ASNS: variants seen among roughly 807,000 people sequenced by gnomAD.
ASNS encodes asparagine synthetase (glutamine-hydrolyzing).
ASNS carries 37 observed loss-of-function variants against 62.6 expected under a neutral mutation model. The ratio of observed to expected loss-of-function variants is 0.59; its 90% confidence interval spans 0.45 to 0.78. The LOEUF (loss-of-function observed/expected upper bound fraction) is 0.78, where lower values mean the gene tolerates loss of function less well. ASNS is among the 30% of genes least tolerant of loss of function. ASNS has a pLI of 0.00. For missense variants in ASNS, 520 were observed against 682.4 expected, an observed-to-expected ratio of 0.76 and a Z score of 2.65; for synonymous variants, 207 against 237.9, an observed-to-expected ratio of 0.87 and a Z score of 1.19.
At chr7:97,892,168 T>C in the ASNS span, among the ~76,000 whole-genome samples, 6 of 152,230 alleles carry the variant, frequency 3.9e-5, no homozygotes, top group South Asian at 2.1e-4. Context: ...TGCTAAGGCT[T>C]GGGGCTTGCA....
chr7:97,900,065 G>A, the ASNS span, among the ~76,000 whole-genome samples: 1 of 152,074 alleles, frequency 6.6e-6, no homozygotes, highest in Non-Finnish European at 1.5e-5. Context: ...TAGAATCGAA[G>A]ATAGAGAAAA....
chr7:97,874,899 G>C (rs375165577), upstream of ASNS, among the ~76,000 whole-genome samples: 1 of 152,260 alleles, frequency 6.6e-6, no homozygotes, highest in African/African-American at 2.4e-5. Context: ...AATTGTGCCT[G>C]TTTTGACAGT....
the ASNS span, among the ~76,000 whole-genome samples, chr7:97,918,714 T>C: frequency 6.6e-6 from 1 of 151,740 alleles, no homozygotes; most frequent in African/African-American, 2.4e-5. Context: ...CACTCATAAG[T>C]GGGAGTTGAA....
At chr7:97,899,645 C>T in the ASNS span, among the ~76,000 whole-genome samples, 4 of 152,232 alleles carry the variant, frequency 2.6e-5, no homozygotes, top group Admixed American at 1.3e-4. Context: ...AACCACTAAT[C>T]GACTTCCTAT....
the ASNS span, among the ~76,000 whole-genome samples, chr7:97,892,041 G>A: frequency 1.3e-5 from 2 of 152,238 alleles, no homozygotes; most frequent in Non-Finnish European, 2.9e-5. Flanking sequence ...TGCCCCTGCA[G>A]CAAACTCCTG....
Position 97,859,201 on chromosome 7 carries a change from G to C in ASNS, c.673+12C>G. 2 of 1,595,456 alleles carry C rather than the reference G, an allele frequency of 1.3e-6. No individual in the cohort carries two copies. Among genetic ancestry groups the C allele is most frequent in the East Asian group, 2.2e-5 (1 of 44,470 alleles). On this transcript the variant is annotated intron_variant, in intron 5 of 12. Transcript: ENST00000394308. ...GAGAAGGATGGGGAATAGGTGGGTG[G>C]GTGTCTGCTACCTGGAAAGAGTTTC...
upstream of ASNS, among the ~76,000 whole-genome samples, chr7:97,876,715 C>A (rs904900622): frequency 1.3e-5 from 2 of 151,994 alleles, no homozygotes; most frequent in South Asian, 4.2e-4. Flanking sequence ...CATGAACCAC[C>A]GTGCCCAGCT....
chr7:97,915,443 C>T, the ASNS span, among the ~76,000 whole-genome samples: 1 of 152,196 alleles, frequency 6.6e-6, no homozygotes, highest in African/African-American at 2.4e-5. Flanking sequence ...TAAGCATATA[C>T]TAAACACCAG....
chr7:97,928,106 G>A, the ASNS span: 46,164 of 1,528,382 alleles, frequency 0.03, 117 homozygotes, highest in Non-Finnish European at 0.034. Context: ...CACCTGTCTG[G>A]GTGCCGGTCT....
the ASNS span, chr7:97,898,207 G>C: frequency 3.6e-6 from 1 of 278,574 alleles, no homozygotes. Flanking sequence ...TGATTCTCAT[G>C]CCTCAGCCTC....
chr7:97,861,304 G>A (rs1280491437), intron 4 of ASNS, among the ~76,000 whole-genome samples: 1 of 152,100 alleles, frequency 6.6e-6, no homozygotes, highest in Admixed American at 6.6e-5. Flanking sequence ...AAGCCATCGC[G>A]CCTGGCCTGA....
chr7:97,889,555 A>T, the ASNS span, among the ~76,000 whole-genome samples: 4 of 152,224 alleles, frequency 2.6e-5, no homozygotes, highest in Admixed American at 2.6e-4. Flanking sequence ...AAGCCACTGA[A>T]TGACTCACAG....
intron 4 of ASNS, among the ~76,000 whole-genome samples, chr7:97,862,077 G>A (rs1791748847): frequency 1.3e-5 from 2 of 151,900 alleles, no homozygotes; most frequent in East Asian, 3.9e-4. Context: ...AATACATAAG[G>A]AACTATTACA....
chr7:97,906,277 T>G, the ASNS span, among the ~76,000 whole-genome samples: 1 of 147,116 alleles, frequency 6.8e-6, no homozygotes. Context: ...ACCGTCGCCC[T>G]GCCATTGTTA....
the ASNS span, among the ~76,000 whole-genome samples, chr7:97,923,691 C>A: frequency 6.6e-6 from 1 of 152,216 alleles, no homozygotes; most frequent in Non-Finnish European, 1.5e-5. Flanking sequence ...CACGTTGCCC[C>A]CTGGGTCCCA....
chr7:97,876,292 T>C (rs575118843), upstream of ASNS, among the ~76,000 whole-genome samples: 168 of 152,372 alleles, frequency 1.1e-3, 1 homozygote, highest in Non-Finnish European at 1.6e-3. Flanking sequence ...TTTGGCTGTG[T>C]GACCGTCACC....
chr7:97,852,119 C>A lies in ASNS; in HGVS notation c.*140G>T, dbSNP rs546113283. 37 of 883,060 alleles carry A rather than the reference C, an allele frequency of 4.2e-5. No individual in the cohort carries two copies. The African/African-American group carries it at 5.9e-4, about 14-fold the overall frequency. 54.7% of individuals were successfully genotyped at this position (883,060 alleles called of 1,614,324 possible). ...GAGACTGCATGAACATAAATGACTA[C>A]AGCAATGGTTTAGATTTAGGACTTT... On this transcript the variant is annotated 3_prime_UTR_variant, in exon 13 of 13. Transcript: ENST00000394308.
chr7:97,893,249 A>G, the ASNS span, among the ~76,000 whole-genome samples: 1 of 152,242 alleles, frequency 6.6e-6, no homozygotes, highest in Non-Finnish European at 1.5e-5. Context: ...TGATTCAACT[A>G]CTTCCCACTG....
intron 9 of ASNS, 70 bp from the exon 10 acceptor site, chr7:97,854,750 C>T (rs1791354573): frequency 6.2e-7 from 1 of 1,604,938 alleles, no homozygotes; most frequent in African/African-American, 1.3e-5. Context: ...TCTCCCTCTC[C>T]AATCCTAAAG....
Sources: gnomAD v4.1 joint callset for allele counts (sites outside exome capture counted in the v4.1 genomes callset) on GRCh38, gnomAD v4.1.1 for gene constraint, MANE v1.5 for transcripts, NCBI Gene and HGNC (gene_info 2026-07-23, HGNC 2026-07-21) for gene names.